ANKAR: variants seen among roughly 807,000 people sequenced by gnomAD.
ANKAR encodes ankyrin and armadillo repeat containing.
A neutral mutation model predicts 146.2 loss-of-function variants in ANKAR; 136 were observed. The ratio of observed to expected loss-of-function variants is 0.93; its 90% CI spans 0.81 to 1.07. The LOEUF (loss-of-function observed/expected upper bound fraction) is 1.07, where lower values mean the gene tolerates loss of function less well. ANKAR is among the 50% of genes least tolerant of loss of function. The pLI is 0.00. For missense variants in ANKAR, 1,567 were observed against 1,679.9 expected, an observed-to-expected ratio of 0.93 and a Z score of 1.18; for synonymous variants, 500 against 575.8, an observed-to-expected ratio of 0.87 and a Z score of 1.88.
intron 18 of ANKAR, among the ~76,000 whole-genome samples, chr2:189,738,130 A>T (rs2043014629): frequency 6.6e-6 from 1 of 152,136 alleles, no homozygotes; most frequent in African/African-American, 2.4e-5. Context: ...CATCACCCCC[A>T]TATTAAAAGT....
downstream of ANKAR, chr2:189,761,421 T>C (rs1194493460): frequency 6.3e-6 from 10 of 1,596,318 alleles, no homozygotes; most frequent in African/African-American, 4.1e-5. Flanking sequence ...TCTACTTACT[T>C]TAAATGAACT....
chr2:189,762,921 C>T (rs1385909980), downstream of ANKAR: 10 of 985,256 alleles, frequency 1.0e-5, no homozygotes, highest in Non-Finnish European at 1.2e-5. Flanking sequence ...TGCATTTCCC[C>T]CAGATTTGCA....
intron 18 of ANKAR, 139 bp from the exon 19 acceptor site, chr2:189,738,426 G>C: frequency 1.8e-6 from 1 of 570,300 alleles, no homozygotes; most frequent in East Asian, 3.0e-5. Context: ...ACCACATGCT[G>C]CTTCTATTGA....
intron 7 of ANKAR, among the ~76,000 whole-genome samples, chr2:189,697,496 G>T (rs149826490): frequency 1.3e-5 from 2 of 152,050 alleles, no homozygotes; most frequent in Non-Finnish European, 2.9e-5. Flanking sequence ...TGCTTTAACC[G>T]TATTGAATAT....
chr2:189,728,505 A>G, intron 14 of ANKAR, 85 bp downstream of exon 14: 1 of 1,469,844 alleles, frequency 6.8e-7, no homozygotes, highest in Non-Finnish European at 9.2e-7. Context: ...TGGCACAATT[A>G]TAGCTCACTG....
Position 189,738,598 on chromosome 2 carries a change from GACCAT to G in ANKAR, c.3618_3622del (p.His1207TyrfsTer12). The G allele has an allele frequency of 9.9e-6, 16 of 1,611,146 alleles. No individual in the cohort carries two copies. The highest frequency in any genetic ancestry group is 1.3e-5 in the African/African-American group (1 of 74,916). On this transcript the variant is annotated frameshift_variant, in exon 19 of 23. Transcript: ENST00000684021. LOFTEE classifies it high-confidence loss of function. ...ACTGGCTAAAGTCATTAGAGATATG[GACCAT>G]ATTACTTTGTCTGCAAGAGGTGTTA...
intron 13 of ANKAR, 36 bp from the exon 14 acceptor site, chr2:189,728,231 A>G (rs769499962): frequency 3.2e-6 from 5 of 1,555,864 alleles, no homozygotes; most frequent in Non-Finnish European, 4.3e-6. Context: ...TGTTCAATAA[A>G]TGTTCACTGA....
chr2:189,743,182 T>C, intron 20 of ANKAR, 93 bp from the exon 21 acceptor site: 1 of 1,279,434 alleles, frequency 7.8e-7, no homozygotes, highest in South Asian at 1.4e-5. Flanking sequence ...CTCCCTCCCT[T>C]ACAGAGACTT....
At position 189,746,554 on chromosome 2, in the gene ANKAR, G is replaced by A; in HGVS notation, c.4232G>A (p.Arg1411Lys). Residue 1411 changes from arginine to lysine, a missense_variant, in exon 23 of 23, where the codon AGA becomes AAA. Arg to Lys is a conservative substitution (Grantham distance 26, BLOSUM62 2). Coordinates refer to ENST00000684021, the MANE Select transcript of ANKAR (RefSeq NM_001378068.1). ...ACATCAGATATCACAAATGTATCAA[G>A]ACCAAGAATAGTGTGTTTGAACCAA... is the stretch of plus-strand genomic sequence containing the variant. ...TITSDITNVS[R>K]PRIVCLNQLG... 1 of 1,613,640 alleles carries A rather than the reference G, an allele frequency of 6.2e-7. No homozygotes were observed.
intron 18 of ANKAR, 54 bp from the exon 19 acceptor site, chr2:189,738,511 A>T: frequency 9.4e-7 from 1 of 1,069,424 alleles, no homozygotes; most frequent in Non-Finnish European, 1.4e-6. Context: ...ACGTGTAATT[A>T]GAGAAGCTGA....
rs755496614 is a variant in ANKAR, at chr2:189,689,623, C to T, written c.698C>T (p.Thr233Ile). The T allele has an allele frequency of 6.2e-7, 1 of 1,613,600 alleles. No individual in the cohort carries two copies. The highest frequency in any genetic ancestry group is 8.5e-7 in the Non-Finnish European group (1 of 1,179,740). The change falls in exon 3 of 23, where the codon ACA becomes ATA. Residue 233 changes from threonine (T) to isoleucine (I), a missense_variant. Transcript: ENST00000684021. ...TATGATCCCAACAGCCCTGAAGAAA[C>T]AGCTGTATTTATGAAATATGCTGAA... ...PTYDPNSPEE[T>I]AVFMKYAENI...
intron 20 of ANKAR, 146 bp downstream of exon 20, chr2:189,741,597 T>TTA (rs2043335547): frequency 2.1e-6 from 1 of 478,396 alleles, no homozygotes; most frequent in South Asian, 4.0e-5. Context: ...CATGACTGTG[T>TTA]TATATATATA....
At chr2:189,722,646 G>T (rs981574493) in intron 12 of ANKAR, among the ~76,000 whole-genome samples, 1 of 152,120 alleles carries the variant, frequency 6.6e-6, no homozygotes, top group Non-Finnish European at 1.5e-5. Context: ...ACTTTGGGAG[G>T]CCAAGGCGGG....
At chr2:189,742,970 ACACACACACACC>A (rs2105902159) in intron 20 of ANKAR, among the ~76,000 whole-genome samples, 1 of 112,666 alleles carries the variant, frequency 8.9e-6, no homozygotes, top group South Asian at 3.0e-4. Context: ...ACACACACAC[ACACACACACACC>A]CCTGAAAGGA....
At position 189,728,660 on chromosome 2, in the gene ANKAR, G is replaced by T; in HGVS notation, c.3032G>T (p.Gly1011Val). Residue 1011 changes from glycine (G) to valine (V), a missense_variant and splice_region_variant, in exon 15 of 23, where the codon GGA becomes GTA. Coordinates refer to ENST00000684021, the MANE Select transcript of ANKAR (RefSeq NM_001378068.1). ...LSPSAKMQYV[G>V]GEAVIALSKD... ...CATGTATCTTGCTTTTCTTTATCAG[G>T]AGGTGAAGCTGTCATAGCTCTAAGT... 6.2e-7 allele frequency: 1 copy of T among 1,613,250 alleles called. No homozygotes were observed. The highest frequency in any genetic ancestry group is 1.3e-5 in the African/African-American group (1 of 75,008).
rs67227035 is a variant in ANKAR, at chr2:189,707,452, C to CAAAAA, written c.2119+325_2119+329dup. ...GAAGTTCAAACATCCTCTCCTTCAT[C>CAAAAA]AAAAAAAAAAAAAAAAAAAAAAAGG... On this transcript the variant is annotated intron_variant, in intron 9 of 22. Coordinates refer to ENST00000684021, the MANE Select transcript of ANKAR (RefSeq NM_001378068.1). Among the ~76,000 whole-genome samples, 29 of 72,876 alleles carry CAAAAA rather than the reference C, an allele frequency of 4.0e-4. 2 individuals are homozygous for CAAAAA. Among genetic ancestry groups the CAAAAA allele is most frequent in the East Asian group, 1.3e-3 (3 of 2,230 alleles). 47.8% of individuals were successfully genotyped at this position (72,876 alleles called of 152,430 possible).
chr2:189,685,455 C>T (rs573861042), intron 2 of ANKAR, among the ~76,000 whole-genome samples: 35 of 152,246 alleles, frequency 2.3e-4, no homozygotes, highest in Non-Finnish European at 2.9e-5. Flanking sequence ...TTGATAACTT[C>T]ATCCTCTTCC....
At chr2:189,749,335 T>C (rs2044727986), downstream of ANKAR, among the ~76,000 whole-genome samples, 2 of 145,006 alleles carry the variant, frequency 1.4e-5, no homozygotes, top group African/African-American at 5.0e-5. Context: ...CCCTGGAGGC[T>C]GAAGTTGGAG....
At chr2:189,725,812 G>C (rs1468003662) in intron 12 of ANKAR, among the ~76,000 whole-genome samples, 1 of 152,204 alleles carries the variant, frequency 6.6e-6, no homozygotes, top group Non-Finnish European at 1.5e-5. Context: ...GGAGGCTGAG[G>C]TGGGAGGATC....
Sources: gnomAD v4.1 joint callset for allele counts (sites outside exome capture counted in the v4.1 genomes callset) on GRCh38, gnomAD v4.1.1 for gene constraint, MANE v1.5 for transcripts, NCBI Gene and HGNC (gene_info 2026-07-23, HGNC 2026-07-21) for gene names.